ITGB1: variants seen among roughly 807,000 people sequenced by gnomAD.
ITGB1 encodes integrin beta-1.
ITGB1 carries 24 observed loss-of-function variants against 86.5 expected under a neutral mutation model. The observed-to-expected ratio is 0.28, with a 90% CI of 0.20 to 0.39. ITGB1 has a LOEUF of 0.39. Among genes scored for constraint, ITGB1 ranks in the 10% least tolerant of loss-of-function variants. ITGB1 has a pLI of 1.00. For missense variants in ITGB1, 556 were observed against 946.9 expected (o/e 0.59, Z 5.42); for synonymous variants, 323 against 316.8 (o/e 1.02, Z -0.21).
rs761136707 is a variant in ITGB1, at chr10:32,907,170, G to C, written c.2331+1198C>G. 1.0e-5 allele frequency: 10 copies of C among 994,086 alleles called. No homozygotes were observed. The East Asian group carries it at 5.0e-4, about 50-fold the overall frequency. The allele number at this position is 994,086 out of a possible 1,614,324, so 61.6% of individuals were successfully genotyped here. On this transcript the variant is annotated intron_variant, in intron 15 of 15. Transcript: ENST00000302278. ...TAAAGTAAAAGAAATAGTTTCTAAT[G>C]ATTTCATCAGAAAAAAAAAATCCCT...
At chr10:32,902,385 G>A (rs2094884210) in intron 15 of ITGB1, among the ~76,000 whole-genome samples, 1 of 152,006 alleles carries the variant, frequency 6.6e-6, no homozygotes, top group Non-Finnish European at 1.5e-5. Context: ...GTTTTAAGCA[G>A]AAAAAAACAT....
At chr10:32,937,164 G>A (rs773658882) in intron 1 of ITGB1, among the ~76,000 whole-genome samples, 91 of 152,216 alleles carry the variant, frequency 6.0e-4, no homozygotes, top group African/African-American at 2.0e-3. Flanking sequence ...ATATTCACAA[G>A]AGCAAAAATG....
chr10:32,949,080 A>C (rs141868899), intron 1 of ITGB1, among the ~76,000 whole-genome samples: 2 of 152,254 alleles, frequency 1.3e-5, no homozygotes, highest in African/African-American at 4.8e-5. Context: ...TTGTAACAAA[A>C]AGTTATTTCA....
intron 1 of ITGB1, chr10:32,953,558 A>C (rs2137270798): frequency 6.6e-6 from 1 of 151,906 alleles, no homozygotes; most frequent in African/African-American, 2.4e-5. Context: ...AAAAAAAAAA[A>C]GTTGCTCATG....
At chr10:32,950,737 C>T (rs1404983490) in intron 1 of ITGB1, among the ~76,000 whole-genome samples, 1 of 152,122 alleles carries the variant, frequency 6.6e-6, no homozygotes, top group African/African-American at 2.4e-5. Flanking sequence ...GCACTAACCC[C>T]TTCTCACACA....
intron 2 of ITGB1, among the ~76,000 whole-genome samples, chr10:32,932,950 C>A: frequency 6.6e-6 from 1 of 151,944 alleles, no homozygotes; most frequent in African/African-American, 2.4e-5. Context: ...AAATATGCAA[C>A]TATATTATTA....
chr10:32,932,267 ATTTAT>A (rs2094985905), intron 3 of ITGB1, among the ~76,000 whole-genome samples: 1 of 152,154 alleles, frequency 6.6e-6, no homozygotes, highest in South Asian at 2.1e-4. Flanking sequence ...CACCATTATT[ATTTAT>A]TTAATACTAA....
chr10:32,930,475 T>C (rs989967615), intron 3 of ITGB1, among the ~76,000 whole-genome samples: 22 of 152,186 alleles, frequency 1.4e-4, no homozygotes, highest in Non-Finnish European at 3.1e-4. Flanking sequence ...CGCAATATGC[T>C]GAACAACCCG....
intron 1 of ITGB1, among the ~76,000 whole-genome samples, chr10:32,951,042 G>A (rs1045186210): frequency 2.6e-5 from 4 of 152,116 alleles, no homozygotes; most frequent in Non-Finnish European, 5.9e-5. Context: ...TAATACGTTG[G>A]GGGTAGGGGG....
At chr10:32,927,565 C>A (rs1043364614) in intron 5 of ITGB1, among the ~76,000 whole-genome samples, 1 of 152,114 alleles carries the variant, frequency 6.6e-6, no homozygotes, top group Non-Finnish European at 1.5e-5. Flanking sequence ...GCCAAGGCAG[C>A]TGGATTACCT....
chr10:32,953,373 C>T (rs571033514), intron 1 of ITGB1, among the ~76,000 whole-genome samples: 29 of 152,288 alleles, frequency 1.9e-4, no homozygotes, highest in African/African-American at 6.7e-4. Context: ...TTCATGTCCA[C>T]TGAGTAAAGC....
intron 15 of ITGB1, among the ~76,000 whole-genome samples, chr10:32,905,476 A>T (rs2094893478): frequency 6.6e-6 from 1 of 152,220 alleles, no homozygotes; most frequent in South Asian, 2.1e-4. Context: ...AACAAATTGT[A>T]AAAGGGCTGT....
intron 2 of ITGB1, among the ~76,000 whole-genome samples, chr10:32,935,165 TATTTC>T (rs2094997181): frequency 6.6e-6 from 1 of 152,254 alleles, no homozygotes; most frequent in South Asian, 2.1e-4. Context: ...TCTACACATT[TATTTC>T]ATTTGCTTCT....
At chr10:32,905,298 T>C (rs2094892979) in intron 15 of ITGB1, among the ~76,000 whole-genome samples, 1 of 152,200 alleles carries the variant, frequency 6.6e-6, no homozygotes, top group African/African-American at 2.4e-5. Flanking sequence ...CCTATATCAC[T>C]TGTAACTATT....
intron 5 of ITGB1, among the ~76,000 whole-genome samples, chr10:32,927,687 G>C (rs779841241): frequency 6.6e-6 from 1 of 152,084 alleles, no homozygotes; most frequent in African/African-American, 2.4e-5. Flanking sequence ...CCAGCTACTC[G>C]GGAGGCTGTG....
chr10:32,907,059 G>T (rs201133811), intron 15 of ITGB1: 1 of 1,342,176 alleles, frequency 7.5e-7, no homozygotes, highest in Non-Finnish European at 1.0e-6. Flanking sequence ...AACAAAATAC[G>T]AACGGCAATT....
At chr10:32,934,998 G>C (rs2137238711) in intron 2 of ITGB1, among the ~76,000 whole-genome samples, 1 of 152,218 alleles carries the variant, frequency 6.6e-6, no homozygotes, top group African/African-American at 2.4e-5. Context: ...TCCAGATGTG[G>C]AGCCACATCT....
intron 1 of ITGB1, among the ~76,000 whole-genome samples, chr10:32,939,316 A>C (rs924314687): frequency 6.6e-6 from 1 of 152,212 alleles, no homozygotes; most frequent in Non-Finnish European, 1.5e-5. Context: ...ACCTAGAAAC[A>C]GTTGTCTACA....
chr10:32,952,391 G>A (rs1388372266), intron 1 of ITGB1, among the ~76,000 whole-genome samples: 1 of 151,574 alleles, frequency 6.6e-6, no homozygotes, highest in Admixed American at 6.6e-5. Context: ...GTACTTTTTT[G>A]TAACATTTTT....
Sources: allele counts gnomAD v4.1 joint callset (sites outside exome capture counted in the v4.1 genomes callset), GRCh38; gene constraint gnomAD v4.1.1; transcripts MANE v1.5; gene names NCBI Gene and HGNC (gene_info 2026-07-23, HGNC 2026-07-21).